The following PLD5 variants were observed in gnomAD, a reference collection of about 807,000 sequenced individuals.
The protein encoded by PLD5 is phospholipase D family member 5.
PLD5 carries 36 observed loss-of-function variants against 61.1 expected under a neutral mutation model. The ratio of observed to expected loss-of-function variants is 0.59; its 90% CI spans 0.45 to 0.78. The LOEUF is 0.78. Ranked by LOEUF, PLD5 falls within the 30% of genes least tolerant of loss-of-function variation. The probability of loss-of-function intolerance (pLI) is 0.00; values close to 1 mark genes in which losing one functional copy is unlikely to be tolerated. For synonymous variants in PLD5, 243 were observed against 242.8 expected (o/e 1.00, Z -0.01); for missense variants, 515 against 644.4 (o/e 0.80, Z 2.17).
intron 1 of PLD5, among the ~76,000 whole-genome samples, chr1:242,358,943 A>G (rs1005192652): frequency 2.0e-5 from 3 of 151,988 alleles, no homozygotes; most frequent in African/African-American, 7.3e-5. Context: ...GGGTTTTCTC[A>G]TTCCCTGAGG....
chr1:242,348,218 A>C lies in PLD5; in HGVS notation c.214T>G (p.Phe72Val). Reference sequence around the variant, plus strand: ...ATGGCAAAGCAGCACACCAGGGCAAAGATCACGATGCACTTCTGCTGGGAC... The same window carrying C: ...ATGGCAAAGCAGCACACCAGGGCAACGATCACGATGCACTTCTGCTGGGAC... ...EHSQQKCIVI[F>V]ALVCCFAILV... is the part of the protein sequence containing the mutation. Residue 72 changes from phenylalanine (F) to valine (V), a missense_variant, in exon 2 of 10, where the codon TTT becomes GTT. Around this residue, in one of 2 missense-constraint regions of PLD5, gnomAD observed 450 missense variants for 598.1 expected, o/e 0.75. Coordinates refer to ENST00000536534, the MANE Select transcript of PLD5 (RefSeq NM_001372062.1). 6.2e-7 allele frequency: 1 copy of C among 1,611,114 alleles called. No homozygotes were observed. Among genetic ancestry groups the C allele is most frequent in the East Asian group, 2.2e-5 (1 of 44,732 alleles).
intron 4 of PLD5, among the ~76,000 whole-genome samples, chr1:242,230,042 T>C (rs1671203005): frequency 2.0e-5 from 3 of 152,084 alleles, no homozygotes; most frequent in African/African-American, 7.2e-5. Flanking sequence ...GGGATGCTAT[T>C]AGTATTTAGT....
At chr1:242,377,847 A>T (rs1469829407) in intron 1 of PLD5, among the ~76,000 whole-genome samples, 2 of 152,202 alleles carry the variant, frequency 1.3e-5, no homozygotes, top group Non-Finnish European at 2.9e-5. Flanking sequence ...GACAGCCAGT[A>T]TACAAAAAAC....
rs566686943 is a variant in PLD5 at position 242,127,143 on chromosome 1, T to TA, written c.736-2479dup. Reference sequence around the variant, plus strand: ...TGCAAGAATGGCTATAATCAAAAAATAAAAAAATAATAGATGTTGGCGTGG... The same window carrying TA: ...TGCAAGAATGGCTATAATCAAAAAATAAAAAAAATAATAGATGTTGGCGTGG... On this transcript the variant is annotated intron_variant, in intron 5 of 9. Transcript: ENST00000536534. Among the ~76,000 whole-genome samples the TA allele has an allele frequency of 1.4e-3, 207 of 151,956 alleles. No individual in the cohort carries two copies. The East Asian group carries it at 0.029, about 21-fold the overall frequency.
At chr1:242,441,148 G>A (rs1388711581) in intron 1 of PLD5, among the ~76,000 whole-genome samples, 1 of 152,188 alleles carries the variant, frequency 6.6e-6, no homozygotes, top group Non-Finnish European at 1.5e-5. Context: ...AATATGTAAT[G>A]TGCCATGCAT....
chr1:242,204,109 G>A (rs1669165401), intron 5 of PLD5, among the ~76,000 whole-genome samples: 1 of 151,908 alleles, frequency 6.6e-6, no homozygotes, highest in South Asian at 2.1e-4. Context: ...TAGGTGTGGT[G>A]GCGGGCGCCT....
chr1:242,190,451 C>G (rs973214297), intron 5 of PLD5, among the ~76,000 whole-genome samples: 1 of 151,952 alleles, frequency 6.6e-6, no homozygotes, highest in Non-Finnish European at 1.5e-5. Context: ...CGGCCCATTG[C>G]AGGACTCCTT....
intron 7 of PLD5, among the ~76,000 whole-genome samples, 174 bp from the exon 8 acceptor site, chr1:242,108,013 A>G (rs1026854250): frequency 2.0e-5 from 3 of 152,184 alleles, no homozygotes; most frequent in Admixed American, 6.5e-5. Flanking sequence ...TTAGGCACCA[A>G]GAAATGATGA....
chr1:242,292,880 C>T (rs550867858), intron 2 of PLD5, among the ~76,000 whole-genome samples: 55 of 151,852 alleles, frequency 3.6e-4, no homozygotes, highest in Admixed American at 1.5e-3. Context: ...AAATATTCTG[C>T]TCACTTTAAC....
chr1:242,449,461 C>G, intron 1 of PLD5: 1 of 1,534,318 alleles, frequency 6.5e-7, no homozygotes, highest in Non-Finnish European at 8.7e-7. Flanking sequence ...GAGAATGTTT[C>G]ATGTGGCACA....
chr1:242,436,682 G>A (rs1487987305), intron 1 of PLD5, among the ~76,000 whole-genome samples: 5 of 152,054 alleles, frequency 3.3e-5, no homozygotes, highest in Non-Finnish European at 7.4e-5. Context: ...TCACCTTAAG[G>A]GGTTAAGGAT....
rs1574516919 is a variant in PLD5, at chr1:242,207,902, A to ATTTATATT, written c.735+12085_735+12086insAATATAAA. On this transcript the variant is annotated intron_variant, in intron 5 of 9. Transcript: ENST00000536534. Reference sequence around the variant, plus strand: ...TTTATATATTTATATATATTTATATATTTATATATATTTATATATTTATAT... The same window carrying ATTTATATT: ...TTTATATATTTATATATATTTATATATTTATATTTTTATATATATTTATATATTTATAT... 4.5e-3 allele frequency among the ~76,000 whole-genome samples: 95 copies of ATTTATATT among 21,078 alleles called. 14 individuals are homozygous for ATTTATATT. Among genetic ancestry groups the ATTTATATT allele is most frequent in the Middle Eastern group, 0.04 (2 of 50 alleles). The allele number at this position is 21,078 out of a possible 152,430, so 13.8% of individuals were successfully genotyped here.
chr1:242,346,975 A>G (rs922892211), intron 2 of PLD5, among the ~76,000 whole-genome samples: 14 of 152,228 alleles, frequency 9.2e-5, no homozygotes, highest in Non-Finnish European at 1.5e-4. Flanking sequence ...GTCCCTGCAA[A>G]GGACGTGATC....
intron 5 of PLD5, among the ~76,000 whole-genome samples, chr1:242,128,608 T>C (rs1297597667): frequency 2.0e-5 from 3 of 152,216 alleles, no homozygotes; most frequent in Non-Finnish European, 4.4e-5. Context: ...GAAAGACAAC[T>C]GCTCTTCAAT....
intron 5 of PLD5, among the ~76,000 whole-genome samples, chr1:242,194,187 A>G (rs941255350): frequency 3.3e-5 from 5 of 152,160 alleles, no homozygotes; most frequent in African/African-American, 7.2e-5. Flanking sequence ...CGTCCCAGAC[A>G]TCAGGCTTCT....
At chr1:242,225,561 T>A (rs1231732262) in intron 4 of PLD5, among the ~76,000 whole-genome samples, 1 of 151,226 alleles carries the variant, frequency 6.6e-6, no homozygotes, top group African/African-American at 2.4e-5. Context: ...TGGTATGGAA[T>A]GCACCACACA....
chr1:242,194,591 T>TATCTATCTATCTATCTATCTA (rs1558328438), intron 5 of PLD5, among the ~76,000 whole-genome samples: 5 of 74,406 alleles, frequency 6.7e-5, no homozygotes, highest in African/African-American at 3.2e-4. Context: ...TCTATCTATC[T>TATCTATCTATCTATCTATCTA]ATCTATCTAT....
rs138107616 is a variant in PLD5, at chr1:242,439,710, G to A, written c.189+84378C>T. ...CACACTACGGACTGCAGGTATAAAC[G>A]AATGCATTTGTCTCATCTTCCTCTG... On this transcript the variant is annotated intron_variant, in intron 1 of 9. Coordinates refer to ENST00000536534, the MANE Select transcript of PLD5 (RefSeq NM_001372062.1). 2.9e-3 allele frequency among the ~76,000 whole-genome samples: 440 copies of A among 152,230 alleles called. 7 individuals are homozygous for A. Among genetic ancestry groups the A allele is most frequent in the African/African-American group, 9.3e-3 (388 of 41,548 alleles).
intron 3 of PLD5, among the ~76,000 whole-genome samples, chr1:242,279,734 A>G (rs1401693436): frequency 5.3e-5 from 8 of 152,006 alleles, no homozygotes; most frequent in African/African-American, 1.7e-4. Context: ...GGGTTTAACC[A>G]TGTTGGCCAG....
Sources: gnomAD v4.1 joint callset for allele counts (sites outside exome capture counted in the v4.1 genomes callset) on GRCh38, gnomAD v4.1.1 for gene constraint, gnomAD v4.1.1 regional missense constraint, MANE v1.5 for transcripts, NCBI Gene and HGNC (gene_info 2026-07-23, HGNC 2026-07-21) for gene names.